The following FAM78A variants were observed in gnomAD, a reference collection of about 807,000 sequenced individuals.
FAM78A encodes the protein family with sequence similarity 78 member A.
FAM78A carries 12 observed loss-of-function variants against 22.6 expected under a neutral mutation model. The ratio of observed to expected loss-of-function variants is 0.53; its 90% CI spans 0.34 to 0.86. The LOEUF (loss-of-function observed/expected upper bound fraction) is 0.86. Among genes scored for constraint, FAM78A ranks in the 40% least tolerant of loss-of-function variants. FAM78A has a pLI of 0.02. For synonymous variants in FAM78A, 151 were observed against 155.8 expected (o/e 0.97, Z 0.23); for missense variants, 322 against 396.1 (o/e 0.81, Z 1.59).
chr9:131,278,386 T>TGGCTTGGTGGAGACAGC (rs1391589870), upstream of FAM78A, among the ~76,000 whole-genome samples: 10 of 151,994 alleles, frequency 6.6e-5, no homozygotes, highest in African/African-American at 2.4e-4. Context: ...AGGGAGACAG[T>TGGCTTGGTGGAGACAGC]GGCTTGGTGG....
chr9:131,279,193 C>A (rs1835519135), upstream of FAM78A, among the ~76,000 whole-genome samples: 1 of 152,228 alleles, frequency 6.6e-6, no homozygotes, highest in Non-Finnish European at 1.5e-5. Flanking sequence ...CAGAGATGGC[C>A]CCCTTGGCCT....
chr9:131,268,243 C>T (rs796997769), intron 1 of FAM78A, among the ~76,000 whole-genome samples: 5 of 152,256 alleles, frequency 3.3e-5, no homozygotes, highest in African/African-American at 1.2e-4. Context: ...TCTGTAAAAG[C>T]TTTACAATTT....
Position 131,270,636 on chromosome 9 carries a change from G to A in FAM78A, c.323+5221C>T, listed in dbSNP as rs76814424. ...TCCCACCCACCCCGCCCTTGCCTCC[G>A]CCAGGGCCCAGCAGATGGGGGAGGC... On this transcript the variant is annotated intron_variant, in intron 1 of 1. Coordinates refer to ENST00000372271, the MANE Select transcript of FAM78A (RefSeq NM_033387.4). 7.2e-3 allele frequency: 4,570 copies of A among 631,508 alleles called. 183 individuals are homozygous for A. In the Admixed American group the frequency reaches 0.084, roughly 12 times the overall value. The allele number at this position is 631,508 out of a possible 1,614,324, so 39.1% of individuals were successfully genotyped here. A position where few individuals can be genotyped will look rare whatever the true frequency, so the allele number is the denominator to read the frequency against.
At chr9:131,280,804 AGCTGGG>A (rs1229320594), upstream of FAM78A, among the ~76,000 whole-genome samples, 2 of 152,218 alleles carry the variant, frequency 1.3e-5, no homozygotes, top group Non-Finnish European at 2.9e-5. Flanking sequence ...CATCACCGTG[AGCTGGG>A]GCTTTGCACA....
Position 131,261,258 on chromosome 9 carries a change from G to A in FAM78A, c.416C>T (p.Thr139Ile). ...GGGGCCCACGATGGTGCAGGTCTCT[G>A]TGGTGTTGCCGTACCAGGGGTAGTT... ...GVNYPWYGNT[T>I]ETCTIVGPTK... Residue 139 changes from threonine (T) to isoleucine (I), a missense_variant, in exon 2 of 2, where the codon ACA (threonine) becomes ATA (isoleucine). By Grantham distance (89) the Thr-to-Ile change is moderately conservative. Coordinates refer to ENST00000372271, the MANE Select transcript of FAM78A (RefSeq NM_033387.4). This position sits in a 1 kb window ranked among gnomAD's most constrained non-coding sequence, Gnocchi z 7.1. 6.2e-7 allele frequency: 1 copy of A among 1,612,202 alleles called. No homozygotes were observed. The highest frequency in any genetic ancestry group is 8.5e-7 in the Non-Finnish European group (1 of 1,179,980).
chr9:131,275,964 C>A lies in FAM78A; in HGVS notation c.216G>T (p.Ser72=), dbSNP rs147422434. The change falls in exon 1 of 2, where the codon TCG becomes TCT. Residue 72 remains serine, a synonymous_variant. Coordinates refer to ENST00000372271, the MANE Select transcript of FAM78A (RefSeq NM_033387.4). This position sits in a 1 kb window ranked among gnomAD's most constrained non-coding sequence, Gnocchi z 4.6. ...LRYRTPHFRA[S]AQVVMPPIPK... ...GGATGGGCGGCATGACCACCTGGGC[C>A]GAGGCCCGGAAGTGGGGTGTCCGGT... 4 of 1,613,510 alleles carry A rather than the reference C, an allele frequency of 2.5e-6. No homozygotes were observed. The highest frequency in any genetic ancestry group is 2.5e-6 in the Non-Finnish European group (3 of 1,180,028).
In FAM78A at chr9:131,261,023, G is replaced by A. The variant is rs1835259061; in HGVS notation, c.651C>T (p.Ile217=). ...CCAGGGGCCGGTTGGGGTTCACCTC[G>A]ATGCTGAGCTGCATGCGCCAGTGCA... ...QTLHWRMQLS[I]EVNPNRPLGQ... Residue 217 remains isoleucine (I), a synonymous_variant, in exon 2 of 2, where the codon ATC becomes ATT. Coordinates refer to ENST00000372271, the MANE Select transcript of FAM78A (RefSeq NM_033387.4). This position sits in a 1 kb window ranked among gnomAD's most constrained non-coding sequence, Gnocchi z 7.1. 4 of 1,614,050 alleles carry A rather than the reference G, an allele frequency of 2.5e-6. No homozygotes were observed. Among genetic ancestry groups the A allele is most frequent in the Non-Finnish European group, 3.4e-6 (4 of 1,180,002 alleles).
upstream of FAM78A, among the ~76,000 whole-genome samples, chr9:131,280,329 G>A (rs532403434): frequency 3.2e-4 from 48 of 152,286 alleles, no homozygotes; most frequent in African/African-American, 1.1e-3. Context: ...GTCATTTTCC[G>A]GAGCTCCGTG....
upstream of FAM78A, among the ~76,000 whole-genome samples, chr9:131,276,831 G>A (rs1187431943): frequency 6.7e-6 from 1 of 149,466 alleles, no homozygotes; most frequent in Non-Finnish European, 1.5e-5. The surrounding 1 kb of genome is among the most constrained non-coding windows in gnomAD (Gnocchi z 4.3). Flanking sequence ...CGGGCCGGAC[G>A]TCCCCACGCA....
intron 1 of FAM78A, among the ~76,000 whole-genome samples, chr9:131,268,822 G>A (rs904192183): frequency 2.0e-5 from 3 of 152,120 alleles, no homozygotes; most frequent in Non-Finnish European, 2.9e-5. Flanking sequence ...GAACCCGGGA[G>A]GCGGAGCTTG....
intron 1 of FAM78A, among the ~76,000 whole-genome samples, chr9:131,268,316 T>TC (rs1205256058): frequency 2.6e-5 from 4 of 151,344 alleles, no homozygotes; most frequent in East Asian, 1.9e-4. Context: ...GTTCCTGACA[T>TC]CCCCCCCGCA....
At chr9:131,262,618 T>C (rs1384112963) in intron 1 of FAM78A, 1 of 151,726 alleles carries the variant, frequency 6.6e-6, no homozygotes, top group Non-Finnish European at 1.5e-5. Flanking sequence ...TTAATCACAA[T>C]AGCCAAAAGG....
upstream of FAM78A, among the ~76,000 whole-genome samples, chr9:131,278,396 G>A (rs990650544): frequency 6.6e-6 from 1 of 152,162 alleles, no homozygotes; most frequent in Admixed American, 6.5e-5. Context: ...TGGCTTGGTG[G>A]AGACAGCGCG....
In FAM78A at chr9:131,276,216, C is replaced by T. The variant is rs1308758697; in HGVS notation, c.-37G>A. On this transcript the variant is annotated 5_prime_UTR_variant, in exon 1 of 2. Transcript: ENST00000372271. This position sits in a 1 kb window ranked among gnomAD's most constrained non-coding sequence, Gnocchi z 4.3. ...AGGCTGCAGGACCCAGTACAGACGG[C>T]GCTGCTCTCCAATCTCAACTCTCAA... The T allele has an allele frequency of 1.3e-6, 2 of 1,547,472 alleles. No homozygotes were observed. The highest frequency in any genetic ancestry group is 2.3e-5 in the East Asian group (1 of 44,218).
chr9:131,262,310 C>CA (rs1312713039), intron 1 of FAM78A, among the ~76,000 whole-genome samples: 3,066 of 75,492 alleles, frequency 0.041, 77 homozygotes, highest in African/African-American at 0.1. Context: ...ACTCTGTCTC[C>CA]AAAAAAAAAA....
upstream of FAM78A, among the ~76,000 whole-genome samples, chr9:131,277,616 C>T (rs975888725): frequency 6.6e-6 from 1 of 151,700 alleles, no homozygotes; most frequent in Non-Finnish European, 1.5e-5. This position sits in a 1 kb window ranked among gnomAD's most constrained non-coding sequence, Gnocchi z 8.4. Flanking sequence ...GCCGCGGGCA[C>T]GTTCTTGGGG....
At chr9:131,263,874 G>A (rs941150985) in intron 1 of FAM78A, 6 of 152,320 alleles carry the variant, frequency 3.9e-5, no homozygotes, top group African/African-American at 1.4e-4. Context: ...GGAACCTGCA[G>A]GCAGCTCAGA....
chr9:131,261,370 G>A lies in FAM78A; in HGVS notation c.324-20C>T, dbSNP rs1293108976. 1 of 1,550,812 alleles carries A rather than the reference G, an allele frequency of 6.4e-7. No homozygotes were observed. Among genetic ancestry groups the A allele is most frequent in the East Asian group, 2.3e-5 (1 of 44,434 alleles). ...CTGGACCTGAGGACAAGGAAGGCCA[G>A]TTCACTCACTCGGTCACTCAAGGAG... On this transcript the variant is annotated intron_variant, in intron 1 of 1. Transcript: ENST00000372271. The surrounding 1 kb of genome is among the most constrained non-coding windows in gnomAD (Gnocchi z 7.1).
At chr9:131,268,668 A>AATCC (rs1310578983) in intron 1 of FAM78A, among the ~76,000 whole-genome samples, 2 of 152,190 alleles carry the variant, frequency 1.3e-5, no homozygotes, top group African/African-American at 4.8e-5. Context: ...CGGGAGGCCG[A>AATCC]GGCGGGCGGA....
Sources: allele counts gnomAD v4.1 joint callset (sites outside exome capture counted in the v4.1 genomes callset), GRCh38; gene constraint gnomAD v4.1.1; non-coding constraint Gnocchi (gnomAD v3.1); transcripts MANE v1.5; gene names NCBI Gene and HGNC (gene_info 2026-07-23, HGNC 2026-07-21).